DENND1A: variants seen among roughly 807,000 people sequenced by gnomAD.
DENND1A encodes DENN domain-containing protein 1A.
A neutral mutation model predicts 113.7 loss-of-function variants in DENND1A; 51 were observed. That is an observed-to-expected ratio of 0.45 (90% confidence interval 0.36 to 0.57). The LOEUF (loss-of-function observed/expected upper bound fraction) is 0.57. DENND1A is among the 20% of genes least tolerant of loss of function. DENND1A has a pLI of 0.00. For synonymous variants in DENND1A, 565 were observed against 570.8 expected (o/e 0.99, Z 0.14); for missense variants, 1,258 against 1,395.9 (o/e 0.90, Z 1.57).
chr9:123,457,624 G>T (rs545239219), intron 14 of DENND1A, among the ~76,000 whole-genome samples, 169 bp downstream of exon 14: 3 of 152,168 alleles, frequency 2.0e-5, no homozygotes, highest in Admixed American at 2.0e-4. Context: ...ATTTGCAAAG[G>T]GTCTGTCTGG....
intron 12 of DENND1A, among the ~76,000 whole-genome samples, chr9:123,572,141 T>C (rs928099053): frequency 2.0e-5 from 3 of 152,242 alleles, no homozygotes; most frequent in Non-Finnish European, 4.4e-5. Context: ...TTTCCCTTGT[T>C]CCACTTTTAG....
At chr9:123,395,178 T>C (rs1158829519) in intron 21 of DENND1A, among the ~76,000 whole-genome samples, 1 of 152,130 alleles carries the variant, frequency 6.6e-6, no homozygotes, top group Non-Finnish European at 1.5e-5. Flanking sequence ...ATCAGTCATG[T>C]CTTGAGGATG....
intron 2 of DENND1A, among the ~76,000 whole-genome samples, chr9:123,877,467 C>T (rs588772): frequency 0.089 from 13,049 of 147,268 alleles, 944 homozygotes; most frequent in African/African-American, 0.2. Context: ...CCAGCCTGGG[C>T]GACAGTGCAA....
intron 5 of DENND1A, among the ~76,000 whole-genome samples, chr9:123,745,686 G>A (rs571782867): frequency 2.7e-4 from 41 of 152,320 alleles, no homozygotes; most frequent in African/African-American, 9.9e-4. Flanking sequence ...AGCTCTTCAA[G>A]AATGTTCATA....
At chr9:123,843,455 T>C (rs1842125886) in intron 2 of DENND1A, 1 of 303,450 alleles carries the variant, frequency 3.3e-6, no homozygotes, top group Non-Finnish European at 6.6e-6. Context: ...GAGTTTTCAG[T>C]AGAAATGGTG....
At chr9:123,907,057 C>T (rs575439802) in intron 1 of DENND1A, among the ~76,000 whole-genome samples, 59 of 151,212 alleles carry the variant, frequency 3.9e-4, no homozygotes, top group Non-Finnish European at 6.6e-4. Context: ...GTTCAATATA[C>T]GCAAATCAAT....
intron 13 of DENND1A, among the ~76,000 whole-genome samples, chr9:123,530,045 G>A (rs1342364841): frequency 6.6e-6 from 1 of 152,106 alleles, no homozygotes; most frequent in East Asian, 1.9e-4. Context: ...AGAGATCAAG[G>A]GTAAAGGAAG....
At chr9:123,673,535 A>G (rs936257657) in intron 6 of DENND1A, among the ~76,000 whole-genome samples, 1 of 152,186 alleles carries the variant, frequency 6.6e-6, no homozygotes, top group Non-Finnish European at 1.5e-5. Flanking sequence ...TATTTCTTCA[A>G]TGAGACTGGG....
intron 21 of DENND1A, among the ~76,000 whole-genome samples, chr9:123,396,075 G>A (rs901189388): frequency 1.3e-5 from 2 of 152,196 alleles, no homozygotes; most frequent in Admixed American, 6.5e-5. Context: ...GATTGTGGGC[G>A]TGGGAGGGAG....
Position 123,555,642 on chromosome 9 carries a change from A to G in DENND1A, c.993+1928T>C, listed in dbSNP as rs2057374248. On this transcript the variant is annotated intron_variant, in intron 13 of 23. Transcript: ENST00000394215. ...GGACAGGCAGGCTTATCCTCATTTC[A>G]CAGATGAAGAAACTGAAGTTTAAAT... is the stretch of plus-strand genomic sequence containing the variant. 4.6e-5 allele frequency among the ~76,000 whole-genome samples: 7 copies of G among 152,260 alleles called. No homozygotes were observed. In the South Asian group the frequency reaches 1.5e-3, roughly 32 times the overall value.
At chr9:123,758,462 GA>G (rs2070761326) in intron 4 of DENND1A, among the ~76,000 whole-genome samples, 1 of 152,176 alleles carries the variant, frequency 6.6e-6, no homozygotes, top group African/African-American at 2.4e-5. Flanking sequence ...CTTAGTAACT[GA>G]ATCACGTTCA....
intron 13 of DENND1A, among the ~76,000 whole-genome samples, chr9:123,498,866 G>A (rs965868002): frequency 2.0e-5 from 3 of 152,014 alleles, no homozygotes; most frequent in Non-Finnish European, 4.4e-5. Flanking sequence ...GGGATTACAG[G>A]CACACACCCC....
chr9:123,740,230 C>T (rs946997343), intron 5 of DENND1A, among the ~76,000 whole-genome samples: 1 of 152,158 alleles, frequency 6.6e-6, no homozygotes, highest in Non-Finnish European at 1.5e-5. Context: ...TCAGATAATT[C>T]TCCACAATTC....
chr9:123,902,948 C>T (rs913640471), intron 1 of DENND1A, among the ~76,000 whole-genome samples: 1 of 151,224 alleles, frequency 6.6e-6, no homozygotes, highest in African/African-American at 2.4e-5. Flanking sequence ...TAATAATATC[C>T]AAAAAAGAAT....
intron 13 of DENND1A, among the ~76,000 whole-genome samples, chr9:123,473,819 C>T (rs2049651736): frequency 6.6e-6 from 1 of 152,030 alleles, no homozygotes; most frequent in Non-Finnish European, 1.5e-5. Flanking sequence ...TCCGTTTAGG[C>T]CCCATCTAAG....
At chr9:123,818,112 T>G (rs1022448052) in intron 2 of DENND1A, among the ~76,000 whole-genome samples, 1 of 152,098 alleles carries the variant, frequency 6.6e-6, no homozygotes, top group Non-Finnish European at 1.5e-5. Flanking sequence ...TTTCGTTTTG[T>G]TTTGTTTTGA....
chr9:123,622,094 T>C (rs2060992360), intron 10 of DENND1A, among the ~76,000 whole-genome samples: 1 of 152,114 alleles, frequency 6.6e-6, no homozygotes, highest in Non-Finnish European at 1.5e-5. Flanking sequence ...TTTTACAAAG[T>C]CAAATGTAAA....
intron 2 of DENND1A, among the ~76,000 whole-genome samples, chr9:123,864,923 C>T (rs190840516): frequency 6.6e-6 from 1 of 152,300 alleles, no homozygotes; most frequent in East Asian, 1.9e-4. Context: ...GTGCTGGGGA[C>T]ACATCAGTGA....
At chr9:123,458,044 AGG>A (rs2048272037) in intron 13 of DENND1A, 147 bp from the exon 14 acceptor site, 4 of 605,052 alleles carry the variant, frequency 6.6e-6, no homozygotes, top group Non-Finnish European at 1.1e-5. Context: ...TCTGTCACCC[AGG>A]CTGGAGTACA....
Sources: gnomAD v4.1 joint callset for allele counts (sites outside exome capture counted in the v4.1 genomes callset) on GRCh38, gnomAD v4.1.1 for gene constraint, MANE v1.5 for transcripts, NCBI Gene and HGNC (gene_info 2026-07-23, HGNC 2026-07-21) for gene names.